Variants in PRELID3A observed in about 807,000 individuals in gnomAD.
PRELID3A encodes PRELI domain containing 3A.
In PRELID3A, 27 loss-of-function variants were observed where a neutral mutation model predicts 23.0. The ratio of observed to expected loss-of-function variants is 1.17; its 90% CI spans 0.87 to 1.62. The LOEUF is 1.62. PRELID3A is among the 40% of genes most tolerant of loss of function. The pLI, the probability that PRELID3A is intolerant of heterozygous loss-of-function variation, is 0.00. For missense variants in PRELID3A, 231 were observed against 231.4 expected, an observed-to-expected ratio of 1.00 and a Z score of 0.01; for synonymous variants, 87 against 86.4, an observed-to-expected ratio of 1.01 and a Z score of -0.04.
intron 1 of PRELID3A, among the ~76,000 whole-genome samples, 156 bp downstream of exon 1, chr18:12,408,163 C>T (rs1315419277): frequency 1.3e-5 from 2 of 151,978 alleles, no homozygotes; most frequent in Non-Finnish European, 2.9e-5. Context: ...CTTCGGCGTC[C>T]CGGAGAGGGC....
chr18:12,418,246 G>T (rs1231132547), intron 1 of PRELID3A, among the ~76,000 whole-genome samples: 1 of 152,156 alleles, frequency 6.6e-6, no homozygotes, highest in African/African-American at 2.4e-5. Context: ...GTTCACTACT[G>T]TTATAATTTA....
intron 1 of PRELID3A, among the ~76,000 whole-genome samples, chr18:12,409,162 T>TTC (rs1909828091): frequency 7.7e-6 from 1 of 129,688 alleles, no homozygotes; most frequent in Admixed American, 7.7e-5. Flanking sequence ...AGGCTGGGTT[T>TTC]TTTTTTTTTT....
rs75198226 is a variant in PRELID3A, at chr18:12,426,873, A to G, written c.292-168A>G. 5.2e-3 allele frequency among the ~76,000 whole-genome samples: 789 copies of G among 152,302 alleles called. 6 individuals are homozygous for G. The highest frequency in any genetic ancestry group is 0.018 in the African/African-American group (756 of 41,562). On this transcript the variant is annotated intron_variant, in intron 3 of 6. Transcript: ENST00000440960. ...ATAGATGACAGTTGCCAGAAGGAAC[A>G]GCAAAACCATGGTTTCCTAGGATTT...
At chr18:12,430,671 G>GTGT (rs1394157855) in intron 6 of PRELID3A, among the ~76,000 whole-genome samples, 4 of 49,794 alleles carry the variant, frequency 8.0e-5, no homozygotes, top group Non-Finnish European at 2.4e-4. Context: ...ATGTTTGTAT[G>GTGT]ATGTGTATGT....
At chr18:12,425,058 G>A (rs2030309908) in intron 3 of PRELID3A, among the ~76,000 whole-genome samples, 1 of 151,892 alleles carries the variant, frequency 6.6e-6, no homozygotes, top group African/African-American at 2.4e-5. Context: ...CAGGAGAATC[G>A]CTTGAATCTG....
intron 1 of PRELID3A, 51 bp from the exon 2 acceptor site, chr18:12,420,274 T>TGCGGCC (rs2030114170): frequency 6.5e-7 from 1 of 1,540,828 alleles, no homozygotes; most frequent in Non-Finnish European, 8.8e-7. Context: ...CCTTCACCCT[T>TGCGGCC]GCGGCCCCGG....
chr18:12,415,554 G>A (rs967464756), intron 1 of PRELID3A, among the ~76,000 whole-genome samples: 4 of 152,142 alleles, frequency 2.6e-5, no homozygotes, highest in Non-Finnish European at 4.4e-5. Flanking sequence ...ACTGTGCCTG[G>A]CCTTAAATCT....
chr18:12,412,714 C>T (rs181650493), intron 1 of PRELID3A, among the ~76,000 whole-genome samples: 3 of 152,338 alleles, frequency 2.0e-5, no homozygotes, highest in Non-Finnish European at 4.4e-5. Flanking sequence ...ATTTCAAGCT[C>T]TTCAGCCTCA....
intron 3 of PRELID3A, among the ~76,000 whole-genome samples, chr18:12,426,371 G>A (rs561549023): frequency 1.0e-3 from 150 of 150,576 alleles, no homozygotes; most frequent in Admixed American, 1.6e-3. Context: ...TGGCTAACAC[G>A]GTGAAACTCC....
chr18:12,415,645 C>T (rs1219675500), intron 1 of PRELID3A, among the ~76,000 whole-genome samples: 1 of 152,174 alleles, frequency 6.6e-6, no homozygotes, highest in Non-Finnish European at 1.5e-5. Context: ...CGGTGCCACC[C>T]CCAGCTTAAC....
At position 12,416,576 on chromosome 18, in the gene PRELID3A, C is replaced by G. The variant is rs189029010; in HGVS notation, c.33-3749C>G. 2.0e-5 allele frequency among the ~76,000 whole-genome samples: 3 copies of G among 152,316 alleles called. No individual in the cohort carries two copies. The East Asian group carries it at 5.8e-4, about 29-fold the overall frequency. On this transcript the variant is annotated intron_variant, in intron 1 of 6. Coordinates refer to ENST00000440960, the MANE Select transcript of PRELID3A (RefSeq NM_001142405.2). The stretch of plus-strand genomic sequence containing the variant: ...AAGCAGTCTTCCTGCCTCAGCCTCC[C>G]CAAGTGCTGGGATTTACAGGCATGA...
chr18:12,421,439 T>A, intron 2 of PRELID3A, 101 bp from the exon 3 acceptor site: 2 of 790,474 alleles, frequency 2.5e-6, no homozygotes, highest in Non-Finnish European at 4.4e-6. Flanking sequence ...ATGATATCAT[T>A]TCTTGAATAG....
At chr18:12,422,663 G>A (rs1421350296) in intron 3 of PRELID3A, among the ~76,000 whole-genome samples, 3 of 151,936 alleles carry the variant, frequency 2.0e-5, no homozygotes, top group Non-Finnish European at 4.4e-5. Context: ...GGCCCCAACA[G>A]GTATTTTTAA....
intron 6 of PRELID3A, among the ~76,000 whole-genome samples, chr18:12,430,359 T>A (rs2030529490): frequency 6.9e-6 from 1 of 144,200 alleles, no homozygotes; most frequent in Non-Finnish European, 1.5e-5. Context: ...TATGTATATA[T>A]GTGTGTGTGG....
Position 12,429,339 on chromosome 18 carries a change from C to T in PRELID3A, c.466-11C>T. 1.2e-6 allele frequency: 2 copies of T among 1,613,426 alleles called. No individual in the cohort carries two copies. Among genetic ancestry groups the T allele is most frequent in the South Asian group, 2.2e-5 (2 of 91,052 alleles). ...CGACCCACTCAGTGCTGAAATCTTT[C>T]TGTGTTGCAGGGGTGGGCTGCTATC... On this transcript the variant is annotated splice_polypyrimidine_tract_variant and intron_variant, in intron 5 of 6. Transcript: ENST00000440960.
chr18:12,415,000 C>T (rs757068635), intron 1 of PRELID3A, among the ~76,000 whole-genome samples: 3 of 152,078 alleles, frequency 2.0e-5, no homozygotes, highest in Non-Finnish European at 4.4e-5. Flanking sequence ...GCAATCACGA[C>T]TTACTGCAGC....
At position 12,429,369 on chromosome 18, in the gene PRELID3A, G is replaced by A. The variant is rs777587053; in HGVS notation, c.485G>A (p.Trp162Ter). The change falls in exon 6 of 7, where the codon TGG becomes TAG. Residue 162 changes from tryptophan to a stop codon, truncating the protein, a stop_gained. Coordinates refer to ENST00000440960, the MANE Select transcript of PRELID3A (RefSeq NM_001142405.2). LOFTEE classifies it high-confidence loss of function. ...NAKKGWAAIE[W>*]IIEHSESAVS The stretch of plus-strand genomic sequence containing the variant: ...TTGCAGGGGTGGGCTGCTATCGAGT[G>A]GATAATTGAACACTCTGAAAGCGCT... 6.2e-7 allele frequency: 1 copy of A among 1,613,820 alleles called. No individual in the cohort carries two copies. The highest frequency in any genetic ancestry group is 1.1e-5 in the South Asian group (1 of 91,066).
rs1365968836 is a variant in PRELID3A at position 12,426,984 on chromosome 18, T to C, written c.292-57T>C. ...TTTTGGGATGGAAGAGTATGGGCAGTTGGCTTCAGAAGAAATGCAAGAGAA... is the reference window on the plus strand; with the variant it reads ...TTTTGGGATGGAAGAGTATGGGCAGCTGGCTTCAGAAGAAATGCAAGAGAA... On this transcript the variant is annotated intron_variant, in intron 3 of 6. Coordinates refer to ENST00000440960, the MANE Select transcript of PRELID3A (RefSeq NM_001142405.2). 8.9e-6 allele frequency: 12 copies of C among 1,354,134 alleles called. No individual in the cohort carries two copies. The South Asian group carries it at 1.3e-4, about 15-fold the overall frequency. 83.9% of individuals were successfully genotyped at this position (1,354,134 alleles called of 1,614,324 possible).
intron 1 of PRELID3A, among the ~76,000 whole-genome samples, chr18:12,416,187 C>T (rs2029944915): frequency 6.6e-6 from 1 of 152,248 alleles, no homozygotes; most frequent in African/African-American, 2.4e-5. Context: ...TGTCCACCAG[C>T]AGCACTTCCT....
Sources: allele counts gnomAD v4.1 joint callset (sites outside exome capture counted in the v4.1 genomes callset), GRCh38; gene constraint gnomAD v4.1.1; transcripts MANE v1.5; gene names NCBI Gene and HGNC (gene_info 2026-07-23, HGNC 2026-07-21).